Variants in COL4A2 observed in about 807,000 individuals in gnomAD.
COL4A2 encodes collagen type IV alpha 2 chain.
Under a neutral mutation model 200.2 loss-of-function variants are expected in COL4A2, and 99 were observed. That is an observed-to-expected ratio of 0.49 (90% CI 0.42 to 0.58). The LOEUF is 0.58. Ranked by LOEUF, COL4A2 falls within the 20% of genes least tolerant of loss-of-function variation. The pLI, the probability that COL4A2 is intolerant of heterozygous loss-of-function variation, is 0.00. For synonymous variants in COL4A2, 897 were observed against 900.6 expected, an observed-to-expected ratio of 1.00 and a Z score of 0.07; for missense variants, 1,950 against 2,314.1, an observed-to-expected ratio of 0.84 and a Z score of 3.23.
At chr13:110,375,563 C>G (rs1374587962) in intron 4 of COL4A2, among the ~76,000 whole-genome samples, 1 of 152,160 alleles carries the variant, frequency 6.6e-6, no homozygotes, top group Admixed American at 6.5e-5. Context: ...GGTGCAGTGT[C>G]TCATACCTGT....
rs1455111044 is a variant in COL4A2, at chr13:110,503,064, C to T, written c.3878-57C>T. ...AATGGGTGACGGTGCACCTGACTGC[C>T]CCCAGGGGCCTTGGGGCCCTGTTTA... On this transcript the variant is annotated intron_variant, in intron 41 of 47. Transcript: ENST00000360467. 20 of 1,549,912 alleles carry T rather than the reference C, an allele frequency of 1.3e-5. No individual in the cohort carries two copies. In the East Asian group the frequency reaches 1.6e-4, roughly 12 times the overall value.
intron 31 of COL4A2, among the ~76,000 whole-genome samples, chr13:110,481,622 G>GTGCTGGAGACACACTGCTCTGTCCTTCCA (rs1882923344): frequency 6.6e-5 from 1 of 15,168 alleles, no homozygotes; most frequent in African/African-American, 3.1e-4. Context: ...CTGTCCCTCC[G>GTGCTGGAGACACACTGCTCTGTCCTTCCA]TTGCTGGAGA....
At chr13:110,495,509 C>A in intron 40 of COL4A2, 42 bp downstream of exon 40, 2 of 1,596,632 alleles carry the variant, frequency 1.3e-6, no homozygotes, top group Non-Finnish European at 1.7e-6. Context: ...GTCCCAGTAA[C>A]CAGAACCCAC....
At chr13:110,471,212 G>A (rs976819192) in intron 28 of COL4A2, among the ~76,000 whole-genome samples, 2 of 152,240 alleles carry the variant, frequency 1.3e-5, no homozygotes, top group African/African-American at 2.4e-5. Flanking sequence ...GCCCAGCCAT[G>A]TGTGCGTGAA....
chr13:110,512,048 CACT>C lies in COL4A2; in HGVS notation c.5002_5004del (p.Tyr1668del). 1.2e-6 allele frequency: 2 copies of C among 1,613,852 alleles called. No individual in the cohort carries two copies. The highest frequency in any genetic ancestry group is 1.7e-6 in the Non-Finnish European group (2 of 1,180,042). ...ATGCAATGGAGGCCGCGGCACCTGC[CACT>C]ACTACGCCAACAAGTACAGCTTCTG... On this transcript the variant is annotated inframe_deletion, in exon 48 of 48. Coordinates refer to ENST00000360467, the MANE Select transcript of COL4A2 (RefSeq NM_001846.4).
intron 26 of COL4A2, 74 bp from the exon 27 acceptor site, chr13:110,466,966 T>C (rs1882265105): frequency 6.3e-7 from 1 of 1,599,518 alleles, no homozygotes; most frequent in Non-Finnish European, 8.5e-7. Context: ...GCTTTTGCCC[T>C]TGGGGATCCC....
Position 110,478,000 on chromosome 13 carries a change from C to T in COL4A2, c.2426-3C>T, listed in dbSNP as rs1243552480. 2.6e-6 allele frequency: 4 copies of T among 1,554,408 alleles called. No individual in the cohort carries two copies. Among genetic ancestry groups the T allele is most frequent in the African/African-American group, 2.7e-5 (2 of 72,982 alleles). On this transcript the variant is annotated splice_region_variant and splice_polypyrimidine_tract_variant and intron_variant, in intron 29 of 47. Coordinates refer to ENST00000360467, the MANE Select transcript of COL4A2 (RefSeq NM_001846.4). ...CCACAGCTCTTGTCTCTGATTCCTGCAGGAAGCCAAGGGATGCCTGGGATG... is the reference window on the plus strand; with the variant it reads ...CCACAGCTCTTGTCTCTGATTCCTGTAGGAAGCCAAGGGATGCCTGGGATG...
At chr13:110,332,671 G>A (rs969420511) in intron 3 of COL4A2, among the ~76,000 whole-genome samples, 1 of 152,226 alleles carries the variant, frequency 6.6e-6, no homozygotes, top group African/African-American at 2.4e-5. Flanking sequence ...GATTTCTACT[G>A]TGTTAACTTT....
intron 28 of COL4A2, among the ~76,000 whole-genome samples, chr13:110,469,781 CCACTTGCGTGT>C (rs1214726532): frequency 1.3e-5 from 2 of 152,116 alleles, no homozygotes; most frequent in African/African-American, 4.8e-5. Flanking sequence ...TGAGGAGTAC[CCACTTGCGTGT>C]CAGCATGCTC....
Position 110,326,061 on chromosome 13 carries a change from C to T in COL4A2, c.99+17938C>T, listed in dbSNP as rs149483186. 4.4e-3 allele frequency among the ~76,000 whole-genome samples: 665 copies of T among 152,282 alleles called. 1 individual carries two copies. Among genetic ancestry groups the T allele is most frequent in the African/African-American group, 0.015 (632 of 41,548 alleles). On this transcript the variant is annotated intron_variant, in intron 3 of 47. Coordinates refer to ENST00000360467, the MANE Select transcript of COL4A2 (RefSeq NM_001846.4). The stretch of plus-strand genomic sequence containing the variant: ...TTGGCCTCCCAAAGTAGTGGGATTA[C>T]GGGCATGAGCCACCAAGCCCAGCCC...
chr13:110,400,223 A>C lies in COL4A2; in HGVS notation c.181-24511A>C, dbSNP rs75401005. ...GAGATCAATTTGCATATGTGATAAA[A>C]GTGAAAAAGTTGGTCTTCAGATACC... On this transcript the variant is annotated intron_variant, in intron 4 of 47. Coordinates refer to ENST00000360467, the MANE Select transcript of COL4A2 (RefSeq NM_001846.4). 2.0e-5 allele frequency among the ~76,000 whole-genome samples: 3 copies of C among 152,246 alleles called. No individual in the cohort carries two copies. The East Asian group carries it at 5.8e-4, about 29-fold the overall frequency.
chr13:110,335,928 C>G (rs996697657), intron 3 of COL4A2, among the ~76,000 whole-genome samples: 6 of 152,180 alleles, frequency 3.9e-5, no homozygotes, highest in African/African-American at 1.4e-4. Flanking sequence ...AAGTCTGCTC[C>G]CCTGTAGTGT....
intron 3 of COL4A2, among the ~76,000 whole-genome samples, chr13:110,313,429 G>C (rs1324981960): frequency 6.6e-6 from 1 of 151,556 alleles, no homozygotes; most frequent in Admixed American, 6.6e-5. Context: ...TTCAAAGGAC[G>C]TGCGAGCAGC....
Position 110,510,462 on chromosome 13 carries a change from T to G in COL4A2, c.4882-1472T>G, listed in dbSNP as rs371242419. ...TCACAGCCCCTTCTCCAGGTCAGCC[T>G]CTCGTCCAGGCAATTCTCTTAAGAT... On this transcript the variant is annotated intron_variant, in intron 47 of 47. Coordinates refer to ENST00000360467, the MANE Select transcript of COL4A2 (RefSeq NM_001846.4). 5.6e-4 allele frequency among the ~76,000 whole-genome samples: 86 copies of G among 152,254 alleles called. 1 individual carries two copies. In the South Asian group the frequency reaches 0.013, roughly 24 times the overall value.
chr13:110,468,330 T>C (rs1882331931), intron 27 of COL4A2: 2 of 462,242 alleles, frequency 4.3e-6, no homozygotes, highest in South Asian at 1.6e-5. Flanking sequence ...TCTAATTCCA[T>C]CCATGGATTT....
intron 4 of COL4A2, among the ~76,000 whole-genome samples, chr13:110,410,508 G>A (rs765436473): frequency 1.3e-5 from 2 of 152,188 alleles, no homozygotes; most frequent in African/African-American, 2.4e-5. Flanking sequence ...TCTGCCACTG[G>A]TGCTGTCATC....
At chr13:110,369,683 G>A (rs756320379) in intron 4 of COL4A2, among the ~76,000 whole-genome samples, 3 of 152,064 alleles carry the variant, frequency 2.0e-5, no homozygotes, top group Non-Finnish European at 2.9e-5. Context: ...AACACGTGCC[G>A]ACTTCTCTGC....
intron 4 of COL4A2, among the ~76,000 whole-genome samples, chr13:110,406,095 T>C (rs1879557540): frequency 6.6e-6 from 1 of 152,190 alleles, no homozygotes; most frequent in Non-Finnish European, 1.5e-5. Context: ...CAAAGTAATA[T>C]TTGGCTCAAA....
chr13:110,506,265 T>TCC lies in COL4A2; in HGVS notation c.4403-149_4403-148insCC, dbSNP rs554412463. ...GGTACACCAGGCCGTCCACTCTCTC[T>TCC]CTCTCTCTCTCTCTCGGGCTGCAGG... On this transcript the variant is annotated intron_variant, in intron 45 of 47. Transcript: ENST00000360467. 3.1e-4 allele frequency: 254 copies of TCC among 808,984 alleles called. 1 individual carries two copies. In the South Asian group the frequency reaches 4.7e-3, roughly 15 times the overall value. 50.1% of individuals were successfully genotyped at this position (808,984 alleles called of 1,614,324 possible). A position where few individuals can be genotyped will look rare whatever the true frequency, so the allele number is the denominator to read the frequency against.
Sources: gnomAD v4.1 joint callset for allele counts (sites outside exome capture counted in the v4.1 genomes callset) on GRCh38, gnomAD v4.1.1 for gene constraint, MANE v1.5 for transcripts, NCBI Gene and HGNC (gene_info 2026-07-23, HGNC 2026-07-21) for gene names.